The following BRINP3 variants were observed in gnomAD, a reference collection of about 807,000 sequenced individuals.
BRINP3 encodes the protein BMP/retinoic acid-inducible neural-specific protein 3.
A neutral mutation model predicts 71.0 loss-of-function variants in BRINP3; 19 were observed. The observed-to-expected ratio is 0.27, with a 90% confidence interval of 0.19 to 0.39. BRINP3 has a LOEUF of 0.39. Ranked by LOEUF, BRINP3 falls within the 10% of genes least tolerant of loss-of-function variation. The probability of loss-of-function intolerance (pLI) is 1.00; values close to 1 mark genes in which losing one functional copy is unlikely to be tolerated. For missense variants in BRINP3, 959 were observed against 940.8 expected, an observed-to-expected ratio of 1.02 and a Z score of -0.25; for synonymous variants, 380 against 337.7, an observed-to-expected ratio of 1.13 and a Z score of -1.37.
At chr1:190,212,933 G>C (rs1055612558) in intron 6 of BRINP3, among the ~76,000 whole-genome samples, 1 of 151,984 alleles carries the variant, frequency 6.6e-6, no homozygotes, top group Non-Finnish European at 1.5e-5. Flanking sequence ...ATTGCAAATT[G>C]ATTTTAACTT....
chr1:190,247,163 C>G (rs1288657837), intron 4 of BRINP3, among the ~76,000 whole-genome samples: 3 of 151,714 alleles, frequency 2.0e-5, no homozygotes, highest in Admixed American at 6.6e-5. Flanking sequence ...CAAAAAAAAA[C>G]ACACCATAGA....
chr1:190,265,018 C>G lies in BRINP3; in HGVS notation c.465G>C (p.Lys155Asn). ...CACTTCCTTCAGCTCGTTTGCTCAA[C>G]TTCCGCTTGTCCACAAAAATTGTGA... ...ESLTIFVDKRKLSKRAEGSDS... is the reference protein window; with the variant it reads ...ESLTIFVDKRNLSKRAEGSDS... Residue 155 changes from lysine to asparagine, a missense_variant, in exon 4 of 8, where the codon AAG becomes AAC. Transcript: ENST00000367462. 1 of 1,609,638 alleles carries G rather than the reference C, an allele frequency of 6.2e-7. No homozygotes were observed. Among genetic ancestry groups the G allele is most frequent in the Non-Finnish European group, 8.5e-7 (1 of 1,178,340 alleles).
intron 2 of BRINP3, among the ~76,000 whole-genome samples, chr1:190,423,726 T>G (rs1323771367): frequency 6.6e-6 from 1 of 151,746 alleles, no homozygotes; most frequent in Non-Finnish European, 1.5e-5. Context: ...CTTTACGTAT[T>G]TCTCCCAACT....
intron 2 of BRINP3, among the ~76,000 whole-genome samples, chr1:190,323,212 A>G (rs1374274924): frequency 2.0e-5 from 3 of 152,052 alleles, no homozygotes; most frequent in Non-Finnish European, 4.4e-5. Flanking sequence ...AAATAAGGAG[A>G]AAAGTGATTT....
At chr1:190,335,876 T>C (rs955694255) in intron 2 of BRINP3, among the ~76,000 whole-genome samples, 2 of 151,974 alleles carry the variant, frequency 1.3e-5, no homozygotes, top group Non-Finnish European at 2.9e-5. Context: ...CAAGGAATAG[T>C]GTAACCTATT....
chr1:190,348,555 A>G (rs1209312177), intron 2 of BRINP3, among the ~76,000 whole-genome samples: 1 of 152,136 alleles, frequency 6.6e-6, no homozygotes, highest in Non-Finnish European at 1.5e-5. Context: ...TGGTTGTATA[A>G]AGAATTCTAA....
At chr1:190,382,830 C>A (rs780978160) in intron 2 of BRINP3, among the ~76,000 whole-genome samples, 3 of 152,092 alleles carry the variant, frequency 2.0e-5, no homozygotes, top group Admixed American at 2.0e-4. Context: ...TGCCTAGTTA[C>A]GAGCCTAGAA....
intron 2 of BRINP3, among the ~76,000 whole-genome samples, chr1:190,367,333 C>G (rs1441401349): frequency 1.3e-5 from 2 of 152,172 alleles, no homozygotes; most frequent in Non-Finnish European, 2.9e-5. Context: ...GTAGCCATGG[C>G]TGGAGCTAAA....
intron 2 of BRINP3, among the ~76,000 whole-genome samples, chr1:190,299,991 T>A (rs1664552454): frequency 1.3e-5 from 2 of 152,092 alleles, no homozygotes; most frequent in South Asian, 4.1e-4. Flanking sequence ...CTTTTTTTCC[T>A]TCATTTCAAC....
intron 2 of BRINP3, among the ~76,000 whole-genome samples, chr1:190,348,913 C>T (rs992148543): frequency 2.6e-5 from 4 of 152,116 alleles, no homozygotes; most frequent in Admixed American, 2.0e-4. Flanking sequence ...TAACACAACG[C>T]AACTTGTTCT....
At chr1:190,328,620 A>T (rs2103072736) in intron 2 of BRINP3, among the ~76,000 whole-genome samples, 1 of 152,148 alleles carries the variant, frequency 6.6e-6, no homozygotes, top group African/African-American at 2.4e-5. Flanking sequence ...GTACTAATTC[A>T]AATGAAACTA....
chr1:190,320,837 A>G (rs1666190153), intron 2 of BRINP3, among the ~76,000 whole-genome samples: 1 of 152,014 alleles, frequency 6.6e-6, no homozygotes, highest in Non-Finnish European at 1.5e-5. Flanking sequence ...AGAACGTACA[A>G]ACTCCACACA....
chr1:190,337,102 G>C (rs1667339596), intron 2 of BRINP3, among the ~76,000 whole-genome samples: 1 of 151,924 alleles, frequency 6.6e-6, no homozygotes, highest in East Asian at 1.9e-4. Flanking sequence ...CCATATGTTT[G>C]ATGTTGAAGT....
chr1:190,208,204 C>A (rs1321357888), intron 6 of BRINP3, among the ~76,000 whole-genome samples: 2 of 151,852 alleles, frequency 1.3e-5, no homozygotes, highest in Non-Finnish European at 2.9e-5. Context: ...GCTATCCACC[C>A]AACACGGCTG....
At chr1:190,114,253 A>G (rs1652936181) in intron 7 of BRINP3, among the ~76,000 whole-genome samples, 1 of 152,088 alleles carries the variant, frequency 6.6e-6, no homozygotes, top group African/African-American at 2.4e-5. Flanking sequence ...GAGCTTCCTG[A>G]GGCCTCCCTA....
intron 7 of BRINP3, among the ~76,000 whole-genome samples, chr1:190,100,147 G>A (rs574560528): frequency 6.6e-6 from 1 of 152,194 alleles, no homozygotes; most frequent in Non-Finnish European, 1.5e-5. Context: ...ATAAATTAAG[G>A]TCAAACTCTA....
intron 3 of BRINP3, among the ~76,000 whole-genome samples, chr1:190,272,651 G>C (rs1224483055): frequency 6.6e-6 from 1 of 151,324 alleles, no homozygotes; most frequent in African/African-American, 2.4e-5. Flanking sequence ...TCAGGACATA[G>C]TCATAATTGT....
chr1:190,361,995 A>T (rs1162762712), intron 2 of BRINP3: 1 of 152,124 alleles, frequency 6.6e-6, no homozygotes, highest in East Asian at 1.9e-4. Context: ...TCATGATGAA[A>T]TTAGAACTCT....
chr1:190,464,146 TA>T (rs869097577), intron 1 of BRINP3, among the ~76,000 whole-genome samples: 44 of 149,506 alleles, frequency 2.9e-4, no homozygotes, highest in African/African-American at 5.4e-4. Flanking sequence ...TGTTTTTTTT[TA>T]AAAAAAAAAG....
Sources: gnomAD v4.1 joint callset for allele counts (sites outside exome capture counted in the v4.1 genomes callset) on GRCh38, gnomAD v4.1.1 for gene constraint, MANE v1.5 for transcripts, NCBI Gene and HGNC (gene_info 2026-07-23, HGNC 2026-07-21) for gene names.